UROC1: variants seen among roughly 807,000 people sequenced by gnomAD.
UROC1 encodes urocanate hydratase 1.
In UROC1, 79 loss-of-function variants were observed where a neutral mutation model predicts 89.5. That is an observed-to-expected ratio of 0.88 (90% confidence interval 0.74 to 1.06). The LOEUF is 1.06. UROC1 is among the 50% of genes least tolerant of loss of function. The pLI, the probability that UROC1 is intolerant of heterozygous loss-of-function variation, is 0.00. For missense variants in UROC1, 885 were observed against 907.8 expected, an observed-to-expected ratio of 0.97 and a Z score of 0.32; for synonymous variants, 361 against 354.8, an observed-to-expected ratio of 1.02 and a Z score of -0.20.
At position 126,505,954 on chromosome 3, in the gene UROC1, A is replaced by C. The variant is rs1211889706; in HGVS notation, c.660T>G (p.His220Gln). The C allele has an allele frequency of 4.5e-6, 7 of 1,562,820 alleles. No homozygotes were observed. In the African/African-American group the frequency reaches 8.4e-5, roughly 19 times the overall value. Reference protein sequence around the residue: ...YCYIGPQGIVHGTVLTVLNAA... With the variant: ...YCYIGPQGIVQGTVLTVLNAA... ...TGGCCCCATCTCTCACCACAGTGCCATGAACGATTCCCTGGGGACCGATGT... is the reference window on the plus strand; with the variant it reads ...TGGCCCCATCTCTCACCACAGTGCCCTGAACGATTCCCTGGGGACCGATGT... The change falls in exon 7 of 20, where the codon CAT becomes CAG. Residue 220 changes from histidine to glutamine, a missense_variant. Transcript: ENST00000290868.
chr3:126,505,389 A>G (rs1345292736), intron 8 of UROC1, among the ~76,000 whole-genome samples: 1 of 152,006 alleles, frequency 6.6e-6, no homozygotes, highest in Non-Finnish European at 1.5e-5. Context: ...TATTCCAGGG[A>G]TGTGGTGGGA....
chr3:126,498,117 G>C lies in UROC1; in HGVS notation c.1372C>G (p.Pro458Ala). The part of the protein sequence containing the change: ...PFRWVCTSGD[P>A]QDLAVTDELA... ...TCGTCTGTGACCGCCAGGTCCTGGG[G>C]GTCCCCCGATGTGCACACCCAGCGG... Residue 458 changes from proline to alanine, a missense_variant, in exon 14 of 20, where the codon CCC (proline) becomes GCC (alanine). Physicochemically the swap from Pro to Ala is conservative, Grantham distance 27 (BLOSUM62 -1). Coordinates refer to ENST00000290868, the MANE Select transcript of UROC1 (RefSeq NM_144639.3). 2 of 1,614,168 alleles carry C rather than the reference G, an allele frequency of 1.2e-6. No homozygotes were observed. Among genetic ancestry groups the C allele is most frequent in the Non-Finnish European group, 8.5e-7 (1 of 1,180,018 alleles).
chr3:126,517,570 C>G (rs763900580), intron 1 of UROC1, 24 bp downstream of exon 1: 1 of 1,612,308 alleles, frequency 6.2e-7, no homozygotes, highest in Non-Finnish European at 8.5e-7. Context: ...GCCAAGGCCT[C>G]GGGAGCACGG....
chr3:126,493,233 G>T (rs1214386799), intron 15 of UROC1, among the ~76,000 whole-genome samples: 1 of 151,658 alleles, frequency 6.6e-6, no homozygotes, highest in Non-Finnish European at 1.5e-5. Context: ...TTTGGGTGCT[G>T]CTGGCATGGG....
rs1307894937 is a variant in UROC1, at chr3:126,498,110, T to TC, written c.1378dup (p.Asp460GlyfsTer19). ...GGCCAGTTCGTCTGTGACCGCCAGG[T>TC]CCTGGGGGTCCCCCGATGTGCACAC... On this transcript the variant is annotated frameshift_variant, in exon 14 of 20. Coordinates refer to ENST00000290868, the MANE Select transcript of UROC1 (RefSeq NM_144639.3). LOFTEE classifies it high-confidence loss of function. The TC allele has an allele frequency of 6.2e-7, 1 of 1,614,148 alleles. No homozygotes were observed. The highest frequency in any genetic ancestry group is 8.5e-7 in the Non-Finnish European group (1 of 1,180,012).
At chr3:126,509,481 G>A in intron 3 of UROC1, 104 bp downstream of exon 3, 1 of 1,161,316 alleles carries the variant, frequency 8.6e-7, no homozygotes, top group South Asian at 1.3e-5. Context: ...AACTTTCTGT[G>A]AATCTATAAT....
intron 17 of UROC1, 52 bp from the exon 18 acceptor site, chr3:126,488,331 C>T: frequency 6.2e-7 from 1 of 1,605,838 alleles, no homozygotes; most frequent in Non-Finnish European, 8.5e-7. Context: ...GGGTGGGCAC[C>T]TGGCTCAGTC....
chr3:126,481,885 C>T lies in UROC1; in HGVS notation c.*460G>A. 4.3e-6 allele frequency: 1 copy of T among 232,552 alleles called. No homozygotes were observed. The highest frequency in any genetic ancestry group is 8.7e-6 in the Non-Finnish European group (1 of 115,300). 14.4% of individuals were successfully genotyped at this position (232,552 alleles called of 1,614,324 possible). ...TTGACCCTTTATTTCCTGGTCTATC[C>T]TCCTTCCCGAACTCCTCCAGGCCAG... On this transcript the variant is annotated 3_prime_UTR_variant, in exon 20 of 20. Coordinates refer to ENST00000290868, the MANE Select transcript of UROC1 (RefSeq NM_144639.3).
chr3:126,503,609 G>A (rs1245504361), intron 9 of UROC1, among the ~76,000 whole-genome samples: 4 of 152,224 alleles, frequency 2.6e-5, no homozygotes, highest in Non-Finnish European at 5.9e-5. Flanking sequence ...GGGTGGCTCT[G>A]CGAGCCCACA....
At chr3:126,507,513 A>G (rs1292754579) in intron 6 of UROC1, among the ~76,000 whole-genome samples, 1 of 152,298 alleles carries the variant, frequency 6.6e-6, no homozygotes, top group Non-Finnish European at 1.5e-5. Context: ...TTCATAATAA[A>G]ATGTGGAAAA....
intron 5 of UROC1, 22 bp downstream of exon 5, chr3:126,507,945 G>T (rs1034077000): frequency 1.9e-6 from 3 of 1,613,770 alleles, no homozygotes; most frequent in Non-Finnish European, 2.5e-6. Flanking sequence ...GGCAGGTGCT[G>T]TGCCACCTGC....
In UROC1 at chr3:126,513,135, GGTGTGTGTGTGTGTGT is replaced by G. The variant is rs56301013; in HGVS notation, c.127-2357_127-2342del. On this transcript the variant is annotated intron_variant, in intron 1 of 19. Transcript: ENST00000290868. ...CAACGTTGTTCAGCCCACAGAGCAG[GGTGTGTGTGTGTGTGT>G]GTGTGTGTGTGTGTGTGTTCAGCCT... Among the ~76,000 whole-genome samples the G allele has an allele frequency of 2.0e-5, 3 of 147,798 alleles. 1 individual carries two copies. Among genetic ancestry groups the G allele is most frequent in the Non-Finnish European group, 4.5e-5 (3 of 66,574 alleles).
intron 9 of UROC1, chr3:126,501,854 G>T (rs776890192): frequency 2.5e-6 from 4 of 1,599,486 alleles, no homozygotes; most frequent in South Asian, 1.1e-5. Context: ...TCCCCCAGGG[G>T]TGCAAGGTTG....
chr3:126,499,416 G>T lies in UROC1; in HGVS notation c.1244-7C>A. 1 of 1,610,002 alleles carries T rather than the reference G, an allele frequency of 6.2e-7. No homozygotes were observed. Among genetic ancestry groups the T allele is most frequent in the Non-Finnish European group, 8.5e-7 (1 of 1,178,300 alleles). On this transcript the variant is annotated splice_polypyrimidine_tract_variant and splice_region_variant and intron_variant, in intron 12 of 19. Transcript: ENST00000290868. The stretch of plus-strand genomic sequence containing the variant: ...TTCTTCTCCACATCCGCTCCTGTGG[G>T]CAGAGCCCGGACAGTCACCACCCAA...
At chr3:126,495,391 A>C (rs1362263101) in intron 15 of UROC1, among the ~76,000 whole-genome samples, 1 of 152,142 alleles carries the variant, frequency 6.6e-6, no homozygotes, top group East Asian at 1.9e-4. Flanking sequence ...TAGACATGGA[A>C]CCATGCAGTA....
chr3:126,513,937 C>T (rs1435667805), intron 1 of UROC1, among the ~76,000 whole-genome samples: 1 of 152,090 alleles, frequency 6.6e-6, no homozygotes, highest in Non-Finnish European at 1.5e-5. Context: ...CAATACCAAG[C>T]CCCTGCCTGC....
At chr3:126,496,527 C>T (rs1185076900) in intron 14 of UROC1, among the ~76,000 whole-genome samples, 2 of 152,124 alleles carry the variant, frequency 1.3e-5, no homozygotes, top group Non-Finnish European at 2.9e-5. Flanking sequence ...AGGAACCGGA[C>T]AAGGAAGCTC....
intron 16 of UROC1, among the ~76,000 whole-genome samples, chr3:126,491,957 C>T (rs1935663303): frequency 6.6e-6 from 1 of 152,176 alleles, no homozygotes; most frequent in African/African-American, 2.4e-5. Flanking sequence ...ATGATGGGGC[C>T]TGACACACAC....
intron 3 of UROC1, 80 bp from the exon 4 acceptor site, chr3:126,508,555 C>T: frequency 1.6e-6 from 2 of 1,244,456 alleles, no homozygotes; most frequent in East Asian, 2.5e-5. Context: ...AAAGGGCCCC[C>T]ATCCCCTGGG....
Sources: gnomAD v4.1 joint callset for allele counts (sites outside exome capture counted in the v4.1 genomes callset) on GRCh38, gnomAD v4.1.1 for gene constraint, MANE v1.5 for transcripts, NCBI Gene and HGNC (gene_info 2026-07-23, HGNC 2026-07-21) for gene names.